CAMTA1: variants seen among roughly 807,000 people sequenced by gnomAD.
The protein encoded by CAMTA1 is calmodulin-binding transcription activator 1.
Under a neutral mutation model 170.9 loss-of-function variants are expected in CAMTA1, and 27 were observed. The observed-to-expected ratio is 0.16, with a 90% confidence interval of 0.12 to 0.22. The LOEUF is 0.22. CAMTA1 is among the 10% of genes least tolerant of loss of function. The probability of loss-of-function intolerance (pLI) is 1.00; values close to 1 mark genes in which losing one functional copy is unlikely to be tolerated. For synonymous variants in CAMTA1, 833 were observed against 891.5 expected (o/e 0.93, Z 1.17); for missense variants, 1,619 against 2,217.2 (o/e 0.73, Z 5.42).
intron 5 of CAMTA1, among the ~76,000 whole-genome samples, chr1:7,268,506 C>T (rs1484144118): frequency 7.9e-5 from 12 of 152,078 alleles, no homozygotes; most frequent in East Asian, 1.9e-4. Context: ...TCAAACTAGT[C>T]GGTGTGAAGA....
intron 6 of CAMTA1, among the ~76,000 whole-genome samples, chr1:7,497,564 G>T (rs903916627): frequency 1.3e-5 from 2 of 152,204 alleles, no homozygotes; most frequent in African/African-American, 4.8e-5. Context: ...CACGTTCCTG[G>T]TGAGATTCTA....
chr1:7,457,981 T>C (rs2092999803), intron 5 of CAMTA1, among the ~76,000 whole-genome samples: 1 of 152,138 alleles, frequency 6.6e-6, no homozygotes, highest in Non-Finnish European at 1.5e-5. Context: ...TTCTGCCTCA[T>C]GATGGGGTGG....
intron 3 of CAMTA1, among the ~76,000 whole-genome samples, chr1:6,976,682 AGGAT>A (rs1029437589): frequency 1.3e-5 from 2 of 152,190 alleles, no homozygotes; most frequent in African/African-American, 4.8e-5. Context: ...CTCTCCGTGA[AGGAT>A]GGATGTGCCG....
At chr1:7,135,472 G>T (rs979602073) in intron 4 of CAMTA1, among the ~76,000 whole-genome samples, 2 of 152,162 alleles carry the variant, frequency 1.3e-5, no homozygotes, top group Non-Finnish European at 2.9e-5. Context: ...TACACTGCTG[G>T]TAGGGATGCA....
chr1:7,437,353 G>A (rs147632527), intron 5 of CAMTA1, among the ~76,000 whole-genome samples: 122 of 152,250 alleles, frequency 8.0e-4, no homozygotes, highest in Admixed American at 1.4e-3. Flanking sequence ...GGGCGGTGAG[G>A]AAAACCCTGT....
Position 6,887,712 on chromosome 1 carries a change from G to A in CAMTA1, c.234+62502G>A. Reference sequence around the variant, plus strand: ...AAGAAGAGGGATCCACAGAGCTGGAGCCATGAGGGCTGACACATTGGAATG... The same window carrying A: ...AAGAAGAGGGATCCACAGAGCTGGAACCATGAGGGCTGACACATTGGAATG... On this transcript the variant is annotated intron_variant, in intron 3 of 22. Transcript: ENST00000303635. This position sits in a 1 kb window ranked among gnomAD's most constrained non-coding sequence, Gnocchi z 4.1. The A allele has an allele frequency of 3.3e-6, 5 of 1,535,362 alleles. No individual in the cohort carries two copies. Among genetic ancestry groups the A allele is most frequent in the Non-Finnish European group, 3.5e-6 (4 of 1,146,658 alleles).
At chr1:7,508,725 G>T (rs1418320584) in intron 6 of CAMTA1, among the ~76,000 whole-genome samples, 1 of 152,056 alleles carries the variant, frequency 6.6e-6, no homozygotes, top group Admixed American at 6.5e-5. Flanking sequence ...TTGGAAGGGT[G>T]GAGGGAGGGA....
At chr1:6,790,211 TTG>T (rs1221636220) in intron 1 of CAMTA1, among the ~76,000 whole-genome samples, 1 of 152,120 alleles carries the variant, frequency 6.6e-6, no homozygotes, top group Admixed American at 6.5e-5. Context: ...AGTTTTTGGA[TTG>T]TTAACTTACA....
intron 3 of CAMTA1, among the ~76,000 whole-genome samples, chr1:6,836,890 G>T (rs1239906862): frequency 1.3e-5 from 2 of 151,992 alleles, no homozygotes; most frequent in Non-Finnish European, 2.9e-5. Context: ...GCCTCTTGAG[G>T]AAAGAGAACA....
intron 6 of CAMTA1, among the ~76,000 whole-genome samples, chr1:7,607,459 A>ATGGG (rs1363702560): frequency 6.7e-6 from 1 of 149,942 alleles, no homozygotes; most frequent in Non-Finnish European, 1.5e-5. Context: ...GGATGGATGG[A>ATGGG]TGGGTGGATG....
chr1:7,566,762 C>T (rs2095047902), intron 6 of CAMTA1, among the ~76,000 whole-genome samples: 1 of 152,186 alleles, frequency 6.6e-6, no homozygotes, highest in Admixed American at 6.5e-5. Context: ...AACGAGATGT[C>T]CAGTCTTTCC....
At position 7,565,925 on chromosome 1, in the gene CAMTA1, G is replaced by GGAGA. The variant is rs112929831; in HGVS notation, c.511-74454_511-74451dup. On this transcript the variant is annotated intron_variant, in intron 6 of 22. Transcript: ENST00000303635. The surrounding 1 kb of genome is among the most constrained non-coding windows in gnomAD (Gnocchi z 4.5). ...TTCTCGCTGTGTCCTCACATAGTAG[G>GGAGA]GAGAGAGAGAGAGAGAGAGAGAGAA... Among the ~76,000 whole-genome samples the GGAGA allele has an allele frequency of 8.7e-3, 1,288 of 148,876 alleles. 13 individuals are homozygous for GGAGA. Among genetic ancestry groups the GGAGA allele is most frequent in the African/African-American group, 0.027 (1,094 of 40,606 alleles).
intron 4 of CAMTA1, among the ~76,000 whole-genome samples, chr1:7,122,510 G>A (rs1484091285): frequency 1.3e-5 from 2 of 152,074 alleles, no homozygotes; most frequent in Non-Finnish European, 2.9e-5. Context: ...TGCCCCTGAG[G>A]GATGGCATGT....
rs895238087 is a variant in CAMTA1 at position 7,333,183 on chromosome 1, A to C, written c.438+83557A>C. Among the ~76,000 whole-genome samples, 1 of 152,194 alleles carries C rather than the reference A, an allele frequency of 6.6e-6. No individual in the cohort carries two copies. The highest frequency in any genetic ancestry group is 2.4e-5 in the African/African-American group (1 of 41,442). On this transcript the variant is annotated intron_variant, in intron 5 of 22. Coordinates refer to ENST00000303635, the MANE Select transcript of CAMTA1 (RefSeq NM_015215.4). The surrounding 1 kb of genome is among the most constrained non-coding windows in gnomAD (Gnocchi z 4.4). ...AAACTGATTGATGGTAAACTTGATG[A>C]TGTCGCCCTTCTCTGCAGTTTTTGG...
intron 4 of CAMTA1, among the ~76,000 whole-genome samples, chr1:7,212,121 G>A (rs1485868783): frequency 6.6e-6 from 1 of 152,080 alleles, no homozygotes. Flanking sequence ...TTTTTCTTTA[G>A]CCTGAGGGCA....
intron 3 of CAMTA1, among the ~76,000 whole-genome samples, chr1:6,909,173 T>C (rs960695292): frequency 1.3e-5 from 2 of 152,220 alleles, no homozygotes; most frequent in African/African-American, 4.8e-5. Context: ...ATTTGTCTGC[T>C]TTGATCATCT....
At chr1:7,328,074 C>G (rs1400560586) in intron 5 of CAMTA1, among the ~76,000 whole-genome samples, 2 of 152,070 alleles carry the variant, frequency 1.3e-5, no homozygotes, top group African/African-American at 4.8e-5. Context: ...TTGAGGTTGT[C>G]TCTCTAGCTT....
chr1:7,597,817 T>A (rs539463425), intron 6 of CAMTA1, among the ~76,000 whole-genome samples: 1 of 152,266 alleles, frequency 6.6e-6, no homozygotes, highest in East Asian at 1.9e-4. Context: ...TTTAAATATA[T>A]TTTTTAAATT....
chr1:7,053,705 C>CCTG (rs1454693828), intron 3 of CAMTA1, among the ~76,000 whole-genome samples: 3 of 152,194 alleles, frequency 2.0e-5, no homozygotes, highest in Non-Finnish European at 4.4e-5. Context: ...GCTGGTCTTG[C>CCTG]CTGCAATGCC....
Sources: gnomAD v4.1 joint callset for allele counts (sites outside exome capture counted in the v4.1 genomes callset) on GRCh38, gnomAD v4.1.1 for gene constraint, Gnocchi (gnomAD v3.1) non-coding constraint, MANE v1.5 for transcripts, NCBI Gene and HGNC (gene_info 2026-07-23, HGNC 2026-07-21) for gene names.